BCL10: variants seen among roughly 807,000 people sequenced by gnomAD.
BCL10 encodes B-cell lymphoma/leukemia 10.
A neutral mutation model predicts 19.2 loss-of-function variants in BCL10; 5 were observed. That is an observed-to-expected ratio of 0.26 (90% CI 0.14 to 0.55). BCL10 has a LOEUF of 0.55. BCL10 is among the 20% of genes least tolerant of loss of function. The pLI, the probability that BCL10 is intolerant of heterozygous loss-of-function variation, is 0.94. For missense variants in BCL10, 201 were observed against 271.9 expected (o/e 0.74, Z 1.83); for synonymous variants, 110 against 98.8 (o/e 1.11, Z -0.67).
chr1:85,276,238 G>C (rs2735594), intron 1 of BCL10, 58 bp downstream of exon 1: 1,212,496 of 1,556,894 alleles, frequency 0.78, 475,022 homozygotes, highest in Middle Eastern at 0.85. Context: ...TTCCGCTTTC[G>C]TCTCCCGCTG....
chr1:85,266,085 C>T lies in BCL10; in HGVS notation c.*1542G>A, dbSNP rs1660181882. 6.6e-6 allele frequency among the ~76,000 whole-genome samples: 1 copy of T among 152,096 alleles called. No homozygotes were observed. The highest frequency in any genetic ancestry group is 1.5e-5 in the Non-Finnish European group (1 of 68,012). The stretch of plus-strand genomic sequence containing the variant: ...ATCCAATCTTTAAAAATTTTTAAAG[C>T]TAATATGCCAATCTTCTTCATGTCG... On this transcript the variant is annotated 3_prime_UTR_variant, in exon 3 of 3. Coordinates refer to ENST00000648566, the MANE Select transcript of BCL10 (RefSeq NM_003921.5).
chr1:85,276,438 T>C lies in BCL10; in HGVS notation c.-86A>G. 1 of 1,476,304 alleles carries C rather than the reference T, an allele frequency of 6.8e-7. No homozygotes were observed. Among genetic ancestry groups the C allele is most frequent in the Non-Finnish European group, 9.4e-7 (1 of 1,059,888 alleles). 91.5% of individuals were successfully genotyped at this position (1,476,304 alleles called of 1,614,324 possible). A position where few individuals can be genotyped will look rare whatever the true frequency, so the allele number is the denominator to read the frequency against. On this transcript the variant is annotated 5_prime_UTR_variant, in exon 1 of 3. Transcript: ENST00000648566. ...CTGGCTGGGGGCTTCGGCCTCCGGG[T>C]AATGGGGAAGAAGGAGAGGAGGCGG... is the stretch of plus-strand genomic sequence containing the variant.
At chr1:85,268,169 A>T (rs911933660) in intron 2 of BCL10, among the ~76,000 whole-genome samples, 187 bp from the exon 3 acceptor site, 6 of 152,232 alleles carry the variant, frequency 3.9e-5, no homozygotes, top group Admixed American at 3.9e-4. Flanking sequence ...GAAGTATACT[A>T]TTATTTGCAT....
chr1:85,272,912 T>C (rs1570336629), intron 1 of BCL10, among the ~76,000 whole-genome samples: 1 of 152,246 alleles, frequency 6.6e-6, no homozygotes, highest in South Asian at 2.1e-4. Flanking sequence ...ATATGGCTCC[T>C]ACCTACCTCT....
chr1:85,276,428 G>A lies in BCL10; in HGVS notation c.-76C>T. On this transcript the variant is annotated 5_prime_UTR_variant, in exon 1 of 3. Transcript: ENST00000648566. Reference sequence around the variant, plus strand: ...CCGCCCCGCCCTGGCTGGGGGCTTCGGCCTCCGGGTAATGGGGAAGAAGGA... The same window carrying A: ...CCGCCCCGCCCTGGCTGGGGGCTTCAGCCTCCGGGTAATGGGGAAGAAGGA... 1 of 1,524,690 alleles carries A rather than the reference G, an allele frequency of 6.6e-7. No individual in the cohort carries two copies. The highest frequency in any genetic ancestry group is 9.1e-7 in the Non-Finnish European group (1 of 1,101,640). The allele number at this position is 1,524,690 out of a possible 1,614,324, so 94.4% of individuals were successfully genotyped here.
At position 85,270,891 on chromosome 1, in the gene BCL10, G is replaced by A. The variant is rs2100748133; in HGVS notation, c.73C>T (p.Arg25Cys). The change falls in exon 2 of 3, where the codon CGT (arginine) becomes TGT (cysteine). Residue 25 changes from arginine to cysteine, a missense_variant. Transcript: ENST00000648566. ...EVKKDALENL[R>C]VYLCEKIIAE... is the part of the protein sequence containing the mutation. ...ATGATTTTCTCACACAGGTATACAC[G>A]TAAATTTTCTAAGGCCTAAAAGACA... 6.2e-7 allele frequency: 1 copy of A among 1,607,030 alleles called. No individual in the cohort carries two copies. The highest frequency in any genetic ancestry group is 8.5e-7 in the Non-Finnish European group (1 of 1,178,906).
intron 1 of BCL10, among the ~76,000 whole-genome samples, chr1:85,271,749 G>A (rs1476977443): frequency 2.0e-5 from 3 of 152,184 alleles, no homozygotes; most frequent in African/African-American, 7.2e-5. Flanking sequence ...TATGCAAAGT[G>A]CTTAGAAAAG....
At position 85,267,959 on chromosome 1, in the gene BCL10, G is replaced by A; in HGVS notation, c.370C>T (p.Pro124Ser). ...TTGTTCGTGGCTCCATCTGGAAAAG[G>A]TTCACAACTGCTACATTTTAGTCCT... The part of the protein sequence containing the change: ...LKGLKCSSCE[P>S]FPDGATNNLS... The change falls in exon 3 of 3, where the codon CCT becomes TCT. Residue 124 changes from proline to serine, a missense_variant. Pro to Ser is a moderately conservative substitution (Grantham distance 74). Coordinates refer to ENST00000648566, the MANE Select transcript of BCL10 (RefSeq NM_003921.5). 1.3e-6 allele frequency: 2 copies of A among 1,577,280 alleles called. No homozygotes were observed. The highest frequency in any genetic ancestry group is 8.6e-7 in the Non-Finnish European group (1 of 1,161,764).
At chr1:85,271,083 G>C (rs1660359281) in intron 1 of BCL10, among the ~76,000 whole-genome samples, 177 bp from the exon 2 acceptor site, 1 of 152,176 alleles carries the variant, frequency 6.6e-6, no homozygotes, top group South Asian at 2.1e-4. Context: ...GTAGGTCCTA[G>C]ACATTCCTCA....
At chr1:85,275,280 G>C (rs1306109903) in intron 1 of BCL10, among the ~76,000 whole-genome samples, 1 of 152,204 alleles carries the variant, frequency 6.6e-6, no homozygotes, top group African/African-American at 2.4e-5. Flanking sequence ...CCCAAGGCCA[G>C]TGCTTTCCAT....
At chr1:85,269,544 T>C (rs573013122) in intron 2 of BCL10, among the ~76,000 whole-genome samples, 2 of 152,378 alleles carry the variant, frequency 1.3e-5, no homozygotes, top group East Asian at 1.9e-4. Flanking sequence ...CTATACAAAC[T>C]ACTTTCTTAG....
chr1:85,273,771 C>T (rs1164912018), intron 1 of BCL10, among the ~76,000 whole-genome samples: 1 of 152,228 alleles, frequency 6.6e-6, no homozygotes, highest in Non-Finnish European at 1.5e-5. Flanking sequence ...TCTATAGATT[C>T]CAAGAGCCTG....
Position 85,274,049 on chromosome 1 carries a change from T to C in BCL10, c.57+2247A>G, listed in dbSNP as rs546373503. On this transcript the variant is annotated intron_variant, in intron 1 of 2. Coordinates refer to ENST00000648566, the MANE Select transcript of BCL10 (RefSeq NM_003921.5). ...TTGACAAATTCTATTCTGCCCAGAA[T>C]GCTCTTCCCTCAGTTCTGTCAAATC... Among the ~76,000 whole-genome samples, 21 of 152,360 alleles carry C rather than the reference T, an allele frequency of 1.4e-4. No individual in the cohort carries two copies. The East Asian group carries it at 3.9e-3, about 28-fold the overall frequency.
chr1:85,275,346 T>C (rs1322348903), intron 1 of BCL10, among the ~76,000 whole-genome samples: 2 of 152,210 alleles, frequency 1.3e-5, no homozygotes, highest in Non-Finnish European at 2.9e-5. Flanking sequence ...CAACTCCCAG[T>C]CATATCCAGT....
At chr1:85,272,502 G>A (rs12024371) in intron 1 of BCL10, among the ~76,000 whole-genome samples, 68,253 of 149,966 alleles carry the variant, frequency 0.46, 15,561 homozygotes, top group Middle Eastern at 0.58. Context: ...TTATCCTCCT[G>A]AGTTGTTGGG....
At chr1:85,275,964 G>A (rs1344936832) in intron 1 of BCL10, among the ~76,000 whole-genome samples, 1 of 152,234 alleles carries the variant, frequency 6.6e-6, no homozygotes, top group East Asian at 1.9e-4. Context: ...ATGAATCTGA[G>A]CCGCCAGTCC....
chr1:85,272,383 C>A (rs1660390753), intron 1 of BCL10, among the ~76,000 whole-genome samples: 1 of 151,756 alleles, frequency 6.6e-6, no homozygotes, highest in South Asian at 2.1e-4. Flanking sequence ...GTGTGAGCCA[C>A]CATGCCCGGC....
intron 1 of BCL10, among the ~76,000 whole-genome samples, chr1:85,272,795 C>T (rs555030144): frequency 2.0e-5 from 3 of 152,214 alleles, no homozygotes; most frequent in Non-Finnish European, 2.9e-5. Context: ...ACTCACAGGA[C>T]ATCAAGGAGG....
Position 85,267,760 on chromosome 1 carries a change from G to A in BCL10, c.569C>T (p.Thr190Ile). 1.2e-6 allele frequency: 2 copies of A among 1,614,238 alleles called. No homozygotes were observed. The highest frequency in any genetic ancestry group is 3.3e-4 in the Middle Eastern group (2 of 6,062). Reference protein sequence around the residue: ...GRTENTIFSSTTLPRPGDPGA... With the variant: ...GRTENTIFSSITLPRPGDPGA... ...TGGGTCCCCAGGTCTGGGAAGTGTA[G>A]TTGAAGAGAAGATGGTATTTTCAGT... Residue 190 changes from threonine (T) to isoleucine (I), a missense_variant, in exon 3 of 3, where the codon ACT (threonine) becomes ATT (isoleucine). Around this residue, in one of 3 missense-constraint regions of BCL10, gnomAD observed 126 missense variants for 136.6 expected, o/e 0.92. Coordinates refer to ENST00000648566, the MANE Select transcript of BCL10 (RefSeq NM_003921.5).
Sources: gnomAD v4.1 joint callset for allele counts (sites outside exome capture counted in the v4.1 genomes callset) on GRCh38, gnomAD v4.1.1 for gene constraint, gnomAD v4.1.1 regional missense constraint, MANE v1.5 for transcripts, NCBI Gene and HGNC (gene_info 2026-07-23, HGNC 2026-07-21) for gene names.